SYK: variants seen among roughly 807,000 people sequenced by gnomAD.
The protein encoded by SYK is spleen associated tyrosine kinase.
SYK carries 16 observed loss-of-function variants against 77.8 expected under a neutral mutation model. The ratio of observed to expected loss-of-function variants is 0.21; its 90% CI spans 0.14 to 0.31. The LOEUF is 0.31. Among genes scored for constraint, SYK ranks in the 10% least tolerant of loss-of-function variants. The probability of loss-of-function intolerance (pLI) is 1.00; values close to 1 mark genes in which losing one functional copy is unlikely to be tolerated. For missense variants in SYK, 529 were observed against 814.4 expected (o/e 0.65, Z 4.26); for synonymous variants, 312 against 308.7 (o/e 1.01, Z -0.11).
At chr9:90,812,463 G>A (rs1251439651) in intron 1 of SYK, among the ~76,000 whole-genome samples, 1 of 152,100 alleles carries the variant, frequency 6.6e-6, no homozygotes, top group East Asian at 1.9e-4. Context: ...TGAAGCCCAG[G>A]CCACCTCCAA....
chr9:90,864,594 C>A lies in SYK; in HGVS notation c.723C>A (p.Val241=). ...GKKFDTLWQL[V]EHYSYKADGL... is the part of the protein sequence containing the mutation. ...CTTACTTTTTTCTCTTTCAGCTAGT[C>A]GAGCATTATTCTTATAAAGCAGATG... Residue 241 remains valine (V), a synonymous_variant, in exon 5 of 14, where the codon GTC becomes GTA. Coordinates refer to ENST00000375754, the MANE Select transcript of SYK (RefSeq NM_003177.7). 6.2e-7 allele frequency: 1 copy of A among 1,613,820 alleles called. No homozygotes were observed. Among genetic ancestry groups the A allele is most frequent in the South Asian group, 1.1e-5 (1 of 91,034 alleles).
intron 1 of SYK, among the ~76,000 whole-genome samples, chr9:90,838,831 G>A (rs1370451555): frequency 2.0e-5 from 3 of 152,236 alleles, no homozygotes; most frequent in African/African-American, 4.8e-5. Context: ...TGTTCCTGTA[G>A]TCAGAGTTAA....
chr9:90,804,981 G>A (rs1824760607), intron 1 of SYK, among the ~76,000 whole-genome samples: 1 of 150,636 alleles, frequency 6.6e-6, no homozygotes, highest in African/African-American at 2.4e-5. Context: ...TGAATCAATT[G>A]TGCAAGGTTT....
intron 1 of SYK, among the ~76,000 whole-genome samples, chr9:90,835,200 G>A (rs1826025091): frequency 6.6e-6 from 1 of 152,218 alleles, no homozygotes; most frequent in African/African-American, 2.4e-5. Context: ...ATAAGGAGGG[G>A]GAACAGGGTA....
In SYK at chr9:90,874,859, T is replaced by G; in HGVS notation, c.1181+10T>G. ...ACTACCAAATGAAAAAGTAAGTTGC[T>G]ATGTTCCACCAGCCTCACCCTCACA... On this transcript the variant is annotated intron_variant, in intron 9 of 13. Transcript: ENST00000375754. The G allele has an allele frequency of 6.2e-7, 1 of 1,613,738 alleles. No homozygotes were observed. Among genetic ancestry groups the G allele is most frequent in the Non-Finnish European group, 8.5e-7 (1 of 1,179,758 alleles).
At chr9:90,838,364 G>A (rs540134426) in intron 1 of SYK, among the ~76,000 whole-genome samples, 1 of 152,196 alleles carries the variant, frequency 6.6e-6, no homozygotes, top group Non-Finnish European at 1.5e-5. Context: ...GATTTAAAGG[G>A]CTGCTGCCTT....
At chr9:90,854,699 G>A (rs898756981) in intron 3 of SYK, among the ~76,000 whole-genome samples, 2 of 152,178 alleles carry the variant, frequency 1.3e-5, no homozygotes, top group Non-Finnish European at 1.5e-5. Context: ...TTTGCCCTCA[G>A]AGGCCTTGGT....
At chr9:90,866,655 G>A (rs892442238) in intron 6 of SYK, among the ~76,000 whole-genome samples, 1 of 152,106 alleles carries the variant, frequency 6.6e-6, no homozygotes, top group Non-Finnish European at 1.5e-5. Flanking sequence ...AGATATTTTG[G>A]AATAACTTTT....
At chr9:90,824,551 C>T (rs2118443427) in intron 1 of SYK, among the ~76,000 whole-genome samples, 1 of 152,056 alleles carries the variant, frequency 6.6e-6, no homozygotes, top group East Asian at 1.9e-4. Context: ...TCCAGGTATG[C>T]AAAACAGGTT....
intron 1 of SYK, among the ~76,000 whole-genome samples, chr9:90,837,460 G>A (rs1826126635): frequency 6.6e-6 from 1 of 152,098 alleles, no homozygotes; most frequent in Non-Finnish European, 1.5e-5. Flanking sequence ...AACTCTCTGA[G>A]TAAAGGCCTG....
At chr9:90,880,029 C>T (rs1828089642) in intron 11 of SYK, among the ~76,000 whole-genome samples, 1 of 152,214 alleles carries the variant, frequency 6.6e-6, no homozygotes. Flanking sequence ...AAAGAGGGTG[C>T]CGAAGGCAGG....
At position 90,882,765 on chromosome 9, in the gene SYK, C is replaced by A. The variant is rs574002574; in HGVS notation, c.1581+3812C>A. 3.9e-5 allele frequency among the ~76,000 whole-genome samples: 6 copies of A among 152,236 alleles called. No homozygotes were observed. The East Asian group carries it at 1.2e-3, about 29-fold the overall frequency. On this transcript the variant is annotated intron_variant, in intron 11 of 13. Transcript: ENST00000375754. ...GATGGTCTAAGAGAGAACACAGATG[C>A]AACCAAGGAGCGACAGGAAGCACCA...
chr9:90,885,234 A>G (rs200235102), intron 11 of SYK, among the ~76,000 whole-genome samples: 2 of 152,286 alleles, frequency 1.3e-5, no homozygotes, highest in East Asian at 3.9e-4. Flanking sequence ...GATTTTAAAG[A>G]AGCTAAATAA....
At position 90,857,855 on chromosome 9, in the gene SYK, C is replaced by T. The variant is rs1386960773; in HGVS notation, c.579-4351C>T. Among the ~76,000 whole-genome samples, 12 of 152,106 alleles carry T rather than the reference C, an allele frequency of 7.9e-5. No individual in the cohort carries two copies. The East Asian group carries it at 2.1e-3, about 27-fold the overall frequency. ...CCACAGTGAGCATTCATCCTTTGCACATCTAATGCACACAGCCAATCCCAG... is the reference window on the plus strand; with the variant it reads ...CCACAGTGAGCATTCATCCTTTGCATATCTAATGCACACAGCCAATCCCAG... On this transcript the variant is annotated intron_variant, in intron 3 of 13. Transcript: ENST00000375754.
At position 90,844,184 on chromosome 9, in the gene SYK, T is replaced by G; in HGVS notation, c.286T>G (p.Ser96Ala). The change falls in exon 2 of 14, where the codon TCT becomes GCT. Residue 96 changes from serine to alanine, a missense_variant. Ser to Ala is a moderately conservative substitution (Grantham distance 99, BLOSUM62 1). Coordinates refer to ENST00000375754, the MANE Select transcript of SYK (RefSeq NM_003177.7). ...CCTCTGCCACTACCACTCCCAGGAG[T>G]CTGATGGCCTGGTCTGCCTCCTCAA... ...ADLCHYHSQE[S>A]DGLVCLLKKP... 6.2e-7 allele frequency: 1 copy of G among 1,614,022 alleles called. No individual in the cohort carries two copies. The highest frequency in any genetic ancestry group is 1.1e-5 in the South Asian group (1 of 91,080).
intron 1 of SYK, among the ~76,000 whole-genome samples, chr9:90,808,780 TA>T (rs1195275338): frequency 6.6e-6 from 1 of 152,114 alleles, no homozygotes; most frequent in Non-Finnish European, 1.5e-5. Flanking sequence ...CTGTCGCTTC[TA>T]AGGCACTCCA....
At chr9:90,894,575 A>G (rs986303699) in intron 13 of SYK, among the ~76,000 whole-genome samples, 1 of 152,240 alleles carries the variant, frequency 6.6e-6, no homozygotes, top group African/African-American at 2.4e-5. Flanking sequence ...ACATTGAATC[A>G]TATGAAATTG....
chr9:90,887,523 A>G (rs1475867890), intron 11 of SYK, among the ~76,000 whole-genome samples: 1 of 149,456 alleles, frequency 6.7e-6, no homozygotes, highest in Admixed American at 6.7e-5. Context: ...CTCCTGCCTC[A>G]GCCTCCCAAG....
chr9:90,887,624 A>G (rs1469978312), intron 11 of SYK, 125 bp from the exon 12 acceptor site: 1 of 1,098,096 alleles, frequency 9.1e-7, no homozygotes, highest in African/African-American at 1.6e-5. Flanking sequence ...GCTGGTCTCA[A>G]GCTCCCGATC....
Sources: gnomAD v4.1 joint callset for allele counts (sites outside exome capture counted in the v4.1 genomes callset) on GRCh38, gnomAD v4.1.1 for gene constraint, MANE v1.5 for transcripts, NCBI Gene and HGNC (gene_info 2026-07-23, HGNC 2026-07-21) for gene names.